Variants in SLX4 observed in about 807,000 individuals in gnomAD.
SLX4 encodes structure-specific endonuclease subunit SLX4.
SLX4 carries 112 observed loss-of-function variants against 146.2 expected under a neutral mutation model. The observed-to-expected ratio is 0.77, with a 90% CI of 0.66 to 0.90. SLX4 has a LOEUF of 0.90. Among genes scored for constraint, SLX4 ranks in the 40% least tolerant of loss-of-function variants. The pLI is 0.00. For synonymous variants in SLX4, 1,061 were observed against 997.7 expected (o/e 1.06, Z -1.20); for missense variants, 2,563 against 2,392.7 (o/e 1.07, Z -1.49).
intron 5 of SLX4, among the ~76,000 whole-genome samples, chr16:3,599,625 C>T (rs934540127): frequency 3.3e-5 from 5 of 152,360 alleles, no homozygotes; most frequent in Middle Eastern, 6.8e-3. Context: ...CTTGCCCTGT[C>T]GCCCAGGCTG....
chr16:3,583,471 C>A lies in SLX4; in HGVS notation c.4779G>T (p.Leu1593=). 6.2e-7 allele frequency: 1 copy of A among 1,614,200 alleles called. No individual in the cohort carries two copies. Among genetic ancestry groups the A allele is most frequent in the African/African-American group, 1.3e-5 (1 of 75,048 alleles). ...TGTACTGGAATATCTCCTTCAGCTT[C>A]AGAACCATCTGGCGTTTAGGCAGAG... ...VRPLPKRQMV[L]KLKEIFQYTH... Residue 1593 remains leucine (L), a synonymous_variant, in exon 14 of 15, where the codon CTG becomes CTT. Coordinates refer to ENST00000294008, the MANE Select transcript of SLX4 (RefSeq NM_032444.4).
intron 5 of SLX4, 87 bp from the exon 6 acceptor site, chr16:3,598,086 C>T (rs1446170317): frequency 6.6e-7 from 1 of 1,518,856 alleles, no homozygotes; most frequent in African/African-American, 1.4e-5. Context: ...GAGGGCTGGG[C>T]CTGAGAGAAA....
At chr16:3,596,513 G>C (rs1467587330) in intron 7 of SLX4, 120 bp from the exon 8 acceptor site, 2 of 1,266,672 alleles carry the variant, frequency 1.6e-6, no homozygotes, top group Non-Finnish European at 2.1e-6. Flanking sequence ...GATGTGGGCT[G>C]TGGGGACAGA....
chr16:3,590,538 G>A lies in SLX4; in HGVS notation c.3100C>T (p.Arg1034Cys), dbSNP rs756289023. 6.8e-6 allele frequency: 11 copies of A among 1,612,834 alleles called. No homozygotes were observed. The highest frequency in any genetic ancestry group is 1.7e-5 in the Admixed American group (1 of 60,000). ...CCCTGGGGAGGCCCCAATAGGAAGC[G>A]GCACGGGTGCGGTGGAGATGCCTGC... ...PWQASPPHPCRFLLGPPQGGS... is the reference protein window; with the variant it reads ...PWQASPPHPCCFLLGPPQGGS... Residue 1034 changes from arginine to cysteine, a missense_variant, in exon 12 of 15, where the codon CGC (arginine) becomes TGC (cysteine). Transcript: ENST00000294008. The surrounding 1 kb of genome is among the most constrained non-coding windows in gnomAD (Gnocchi z 4.8).
chr16:3,591,338 G>A (rs778371714), intron 11 of SLX4, 28 bp from the exon 12 acceptor site: 9 of 1,605,974 alleles, frequency 5.6e-6, no homozygotes, highest in African/African-American at 1.3e-5. Context: ...GACAGTCATC[G>A]CCCCTCTGCG....
At chr16:3,605,701 A>G (rs990683822) in intron 3 of SLX4, among the ~76,000 whole-genome samples, 1 of 151,838 alleles carries the variant, frequency 6.6e-6, no homozygotes, top group Admixed American at 6.6e-5. Context: ...TAATCCCAGC[A>G]CTTTGGGAGG....
Position 3,611,542 on chromosome 16 carries a change from C to T in SLX4, c.-603+18G>A. The T allele has an allele frequency of 6.5e-6, 1 of 152,746 alleles. No individual in the cohort carries two copies. Among genetic ancestry groups the T allele is most frequent in the Non-Finnish European group, 1.5e-5 (1 of 68,372 alleles). The allele number at this position is 152,746 out of a possible 1,614,324, so 9.5% of individuals were successfully genotyped here. A position where few individuals can be genotyped will look rare whatever the true frequency, so the allele number is the denominator to read the frequency against. The stretch of plus-strand genomic sequence containing the variant: ...TCCCGGGTGCCGACTCCCAGCCCCA[C>T]AGCCCGGCTCCTCCTACCTCCGGCG... On this transcript the variant is annotated intron_variant, in intron 1 of 14. Coordinates refer to ENST00000294008, the MANE Select transcript of SLX4 (RefSeq NM_032444.4).
rs563055862 is a variant in SLX4 at position 3,601,831 on chromosome 16, G to C, written c.950+287C>G. ...GGCAATAGGGAGTGGCTGCCAATGGGTGTGGGGATTCTTTTGGGGGTGATG... is the reference window on the plus strand; with the variant it reads ...GGCAATAGGGAGTGGCTGCCAATGGCTGTGGGGATTCTTTTGGGGGTGATG... On this transcript the variant is annotated intron_variant, in intron 4 of 14. Coordinates refer to ENST00000294008, the MANE Select transcript of SLX4 (RefSeq NM_032444.4). The C allele has an allele frequency of 1.0e-3, 428 of 425,120 alleles. 5 individuals are homozygous for C. The highest frequency in any genetic ancestry group is 9.8e-4 in the Non-Finnish European group (221 of 226,650). 26.3% of individuals were successfully genotyped at this position (425,120 alleles called of 1,614,324 possible).
Position 3,609,144 on chromosome 16 carries a change from T to A in SLX4, c.-180A>T. ...CTGGGCCGGGCGCGGTGGCTCACAC[T>A]TGTAATCCCAGCTCTTTTGGAGGAC... On this transcript the variant is annotated 5_prime_UTR_variant, in exon 2 of 15. In the 5' UTR this introduces an upstream ATG that the reference lacks. Coordinates refer to ENST00000294008, the MANE Select transcript of SLX4 (RefSeq NM_032444.4). The A allele has an allele frequency of 1.5e-6, 1 of 666,210 alleles. No individual in the cohort carries two copies. The highest frequency in any genetic ancestry group is 2.5e-6 in the Non-Finnish European group (1 of 399,690). 41.3% of individuals were successfully genotyped at this position (666,210 alleles called of 1,614,324 possible). A position where few individuals can be genotyped will look rare whatever the true frequency, so the allele number is the denominator to read the frequency against.
At chr16:3,610,197 C>T (rs909963662) in intron 1 of SLX4, among the ~76,000 whole-genome samples, 5 of 152,170 alleles carry the variant, frequency 3.3e-5, no homozygotes, top group African/African-American at 9.7e-5. Context: ...TACAATAATG[C>T]AATCTCCACT....
At chr16:3,600,591 CTTTTTT>C (rs974875930) in intron 5 of SLX4, 2 of 102,608 alleles carry the variant, frequency 1.9e-5, no homozygotes, top group Non-Finnish European at 1.8e-5. Context: ...CTATAAAAAG[CTTTTTT>C]TTTTTTTTTT....
intron 11 of SLX4, among the ~76,000 whole-genome samples, chr16:3,592,402 G>A (rs931922539): frequency 5.9e-5 from 9 of 152,310 alleles, no homozygotes; most frequent in South Asian, 4.1e-4. Flanking sequence ...GTTGGGGGGC[G>A]CTGTAGCCAA....
chr16:3,583,128 CCA>C lies in SLX4; in HGVS notation c.5120_5121del (p.Val1707GlyfsTer4), dbSNP rs2040460653. 6.2e-7 allele frequency: 1 copy of C among 1,614,280 alleles called. No individual in the cohort carries two copies. The highest frequency in any genetic ancestry group is 8.5e-7 in the Non-Finnish European group (1 of 1,180,046). ...GAGCTCAAGGAGCTGTCACTGCCATCCACAGAGGTGGCCACGGATTCTTGAGA... is the reference window on the plus strand; with the variant it reads ...GAGCTCAAGGAGCTGTCACTGCCATCCAGAGGTGGCCACGGATTCTTGAGA... ...PASQESVATS[V>X]DGSDSSLSSQ... On this transcript the variant is annotated frameshift_variant, in exon 14 of 15. Transcript: ENST00000294008. LOFTEE classifies it low-confidence loss of function (END_TRUNC).
intron 3 of SLX4, among the ~76,000 whole-genome samples, chr16:3,604,088 C>A (rs536475673): frequency 1.3e-5 from 2 of 151,448 alleles, no homozygotes; most frequent in Admixed American, 1.3e-4. Context: ...AAAAATTAGC[C>A]GGGTGTGGTG....
chr16:3,599,484 C>A (rs2040703490), intron 5 of SLX4, among the ~76,000 whole-genome samples: 1 of 152,244 alleles, frequency 6.6e-6, no homozygotes, highest in South Asian at 2.1e-4. Context: ...GGACTTGTTT[C>A]CTGGCTGTGA....
rs904745757 is a variant in SLX4 at position 3,584,782 on chromosome 16, T to G, written c.4726A>C (p.Lys1576Gln). ...YSIMETPVLK[K>Q]ELDRFGVRPL... ...AAGACCGCCAACCTATCCAGTTCCT[T>G]CTTCAGCACCGGCGTCTCCATAATG... The change falls in exon 13 of 15, where the codon AAG (lysine) becomes CAG (glutamine). Residue 1576 changes from lysine (K) to glutamine (Q), a missense_variant. By Grantham distance (53) the Lys-to-Gln change is moderately conservative. Transcript: ENST00000294008. 1.2e-6 allele frequency: 2 copies of G among 1,613,684 alleles called. No individual in the cohort carries two copies. The highest frequency in any genetic ancestry group is 2.7e-5 in the African/African-American group (2 of 75,044).
chr16:3,606,822 C>T (rs1341328981), intron 2 of SLX4, 124 bp from the exon 3 acceptor site: 2 of 1,003,362 alleles, frequency 2.0e-6, no homozygotes, highest in African/African-American at 3.2e-5. Flanking sequence ...GTTTGACTCA[C>T]AAATGTGAAG....
intron 2 of SLX4, 37 bp downstream of exon 2, chr16:3,608,393 A>C (rs781191847): frequency 6.2e-7 from 1 of 1,612,222 alleles, no homozygotes; most frequent in Non-Finnish European, 8.5e-7. Flanking sequence ...CTTTCCAGGA[A>C]GTTTTCCAGC....
intron 2 of SLX4, 134 bp from the exon 3 acceptor site, chr16:3,606,832 G>A: frequency 1.1e-6 from 1 of 899,762 alleles, no homozygotes; most frequent in Non-Finnish European, 1.8e-6. Flanking sequence ...CAAATGTGAA[G>A]AGGACTGGTT....
Sources: allele counts gnomAD v4.1 joint callset (sites outside exome capture counted in the v4.1 genomes callset), GRCh38; gene constraint gnomAD v4.1.1; non-coding constraint Gnocchi (gnomAD v3.1); transcripts MANE v1.5; gene names NCBI Gene and HGNC (gene_info 2026-07-23, HGNC 2026-07-21).